The following NHEJ1 variants were observed in gnomAD, a reference collection of about 807,000 sequenced individuals.
NHEJ1 encodes the protein non-homologous end-joining factor 1.
In NHEJ1, 22 loss-of-function variants were observed where a neutral mutation model predicts 39.4. The observed-to-expected ratio is 0.56, with a 90% CI of 0.40 to 0.80. The LOEUF (loss-of-function observed/expected upper bound fraction) is 0.80. Ranked by LOEUF, NHEJ1 falls within the 30% of genes least tolerant of loss-of-function variation. The pLI is 0.00. For missense variants in NHEJ1, 329 were observed against 357.1 expected, an observed-to-expected ratio of 0.92 and a Z score of 0.63; for synonymous variants, 154 against 135.6, an observed-to-expected ratio of 1.14 and a Z score of -0.94.
chr2:219,081,316 C>T (rs972969224), intron 5 of NHEJ1, among the ~76,000 whole-genome samples: 9 of 152,026 alleles, frequency 5.9e-5, no homozygotes, highest in Non-Finnish European at 1.2e-4. Context: ...CTGGGGCAGG[C>T]GGCAGAGATC....
Position 219,159,552 on chromosome 2 carries a change from C to CATATATATATATGCATAT in NHEJ1, c.-1+1167_-1+1168insATATGCATATATATATAT, listed in dbSNP as rs373057307. 4.5e-5 allele frequency among the ~76,000 whole-genome samples: 3 copies of CATATATATATATGCATAT among 66,376 alleles called. 1 individual carries two copies. Among genetic ancestry groups the CATATATATATATGCATAT allele is most frequent in the East Asian group, 5.8e-4 (1 of 1,734 alleles). The allele number at this position is 66,376 out of a possible 152,430, so 43.5% of individuals were successfully genotyped here. A position where few individuals can be genotyped will look rare whatever the true frequency, so the allele number is the denominator to read the frequency against. ...ATATATATATGCATATATATATATG[C>CATATATATATATGCATAT]ATATATATATGCATATATATATGCA... On this transcript the variant is annotated intron_variant, in intron 1 of 7. Transcript: ENST00000356853.
In NHEJ1 at chr2:219,111,080, A is replaced by C. The variant is rs1949361236; in HGVS notation, c.589-32874T>G. ...TTTAAATAAAACATCACCCATCCTC[A>C]CAAAATCCTTGTAAGGAACAAAGGT... On this transcript the variant is annotated intron_variant, in intron 5 of 7. Transcript: ENST00000356853. The surrounding 1 kb of genome is among the most constrained non-coding windows in gnomAD (Gnocchi z 4.1). Among the ~76,000 whole-genome samples, 1 of 152,228 alleles carries C rather than the reference A, an allele frequency of 6.6e-6. No homozygotes were observed. The highest frequency in any genetic ancestry group is 1.5e-5 in the Non-Finnish European group (1 of 68,030).
Position 219,133,590 on chromosome 2 carries a change from G to A in NHEJ1, c.588+13090C>T, listed in dbSNP as rs137926073. The stretch of plus-strand genomic sequence containing the variant: ...ATAAGTGACACAGGAAAGAGAAAGC[G>A]TTGAGAGTTCAGAAGAGGAAAATAA... On this transcript the variant is annotated intron_variant, in intron 5 of 7. Coordinates refer to ENST00000356853, the MANE Select transcript of NHEJ1 (RefSeq NM_024782.3). Among the ~76,000 whole-genome samples the A allele has an allele frequency of 1.5e-4, 23 of 152,354 alleles. 1 individual carries two copies. In the South Asian group the frequency reaches 4.1e-3, roughly 27 times the overall value.
At chr2:219,137,071 GA>G (rs769632691) in intron 5 of NHEJ1, among the ~76,000 whole-genome samples, 1,666 of 64,948 alleles carry the variant, frequency 0.026, 18 homozygotes, top group African/African-American at 0.063. Flanking sequence ...CTCTTCTTGA[GA>G]AAAAAAAAAA....
chr2:219,141,443 G>A (rs1038600607), intron 5 of NHEJ1, among the ~76,000 whole-genome samples: 11 of 150,872 alleles, frequency 7.3e-5, no homozygotes, highest in Admixed American at 2.0e-4. Flanking sequence ...TTCAGACAAC[G>A]GGAGGTAGAA....
At chr2:219,142,119 C>T (rs1949697211) in intron 5 of NHEJ1, among the ~76,000 whole-genome samples, 1 of 152,132 alleles carries the variant, frequency 6.6e-6, no homozygotes, top group Admixed American at 6.5e-5. Flanking sequence ...TCAATGTTAA[C>T]TATAGCCCCC....
Position 219,076,258 on chromosome 2 carries a change from C to T in NHEJ1, c.*123G>A, listed in dbSNP as rs1949012317. The T allele has an allele frequency of 2.2e-5, 35 of 1,576,824 alleles. No homozygotes were observed. The highest frequency in any genetic ancestry group is 2.8e-5 in the Non-Finnish European group (33 of 1,161,084). Reference sequence around the variant, plus strand: ...TCAACATCAACTTCAGTTCTCTCGCCCTTACAGGAGGCCTCTGACTGTATC... The same window carrying T: ...TCAACATCAACTTCAGTTCTCTCGCTCTTACAGGAGGCCTCTGACTGTATC... On this transcript the variant is annotated 3_prime_UTR_variant, in exon 8 of 8. Transcript: ENST00000356853.
At chr2:219,143,279 G>A (rs2106359306) in intron 5 of NHEJ1, among the ~76,000 whole-genome samples, 1 of 152,218 alleles carries the variant, frequency 6.6e-6, no homozygotes, top group East Asian at 1.9e-4. Context: ...AGGACCCCGG[G>A]CAAGCAGAGT....
chr2:219,126,691 G>A (rs1231942265), intron 5 of NHEJ1, among the ~76,000 whole-genome samples: 1 of 151,910 alleles, frequency 6.6e-6, no homozygotes, highest in Non-Finnish European at 1.5e-5. Context: ...AGTAATTATA[G>A]TACAGTGTTG....
intron 2 of NHEJ1, among the ~76,000 whole-genome samples, chr2:219,157,947 C>A (rs1949870791): frequency 6.6e-6 from 1 of 151,024 alleles, no homozygotes. Context: ...CATTATCATG[C>A]ATAGGGTAGG....
At chr2:219,113,916 T>G (rs9784128) in intron 5 of NHEJ1, among the ~76,000 whole-genome samples, 1 of 152,036 alleles carries the variant, frequency 6.6e-6, no homozygotes, top group Non-Finnish European at 1.5e-5. Context: ...AGGAGAAGCC[T>G]GAAACAGAAC....
intron 5 of NHEJ1, among the ~76,000 whole-genome samples, chr2:219,136,121 G>A (rs964673954): frequency 3.9e-5 from 6 of 152,044 alleles, no homozygotes; most frequent in African/African-American, 1.4e-4. Flanking sequence ...TGTAATATCT[G>A]GTTTTGAGAT....
Position 219,158,280 on chromosome 2 carries a change from A to C in NHEJ1, c.83T>G (p.Phe28Cys). 1 of 1,614,208 alleles carries C rather than the reference A, an allele frequency of 6.2e-7. No individual in the cohort carries two copies. Among genetic ancestry groups the C allele is most frequent in the Non-Finnish European group, 8.5e-7 (1 of 1,180,034 alleles). The change falls in exon 2 of 8, where the codon TTT becomes TGT. Residue 28 changes from phenylalanine (F) to cysteine (C), a missense_variant. By Grantham distance (205) the Phe-to-Cys change is radical. Transcript: ENST00000356853. Reference protein sequence around the residue: ...LAENSLLAKVFITKQGYALLV... With the variant: ...LAENSLLAKVCITKQGYALLV... ...CAAGGCATAGCCCTGCTTGGTGATA[A>C]AAACCTTGGCCAAGAGGGAGTTCTC...
intron 5 of NHEJ1, among the ~76,000 whole-genome samples, chr2:219,122,667 T>C (rs964648656): frequency 2.6e-5 from 4 of 152,302 alleles, no homozygotes; most frequent in South Asian, 2.1e-4. Context: ...TCCTCCTCAA[T>C]AGACTCCAGG....
intron 5 of NHEJ1, among the ~76,000 whole-genome samples, chr2:219,137,151 T>C (rs560745383): frequency 4.7e-5 from 7 of 150,534 alleles, no homozygotes; most frequent in African/African-American, 1.7e-4. Flanking sequence ...GAAGGTGAAA[T>C]TCAGAAAAAA....
chr2:219,150,824 C>T (rs1411964665), intron 3 of NHEJ1, among the ~76,000 whole-genome samples: 1 of 151,972 alleles, frequency 6.6e-6, no homozygotes, highest in Non-Finnish European at 1.5e-5. Context: ...GGCATGGTGG[C>T]GGGTGCCTGT....
At chr2:219,084,871 G>A (rs6745556) in intron 5 of NHEJ1, among the ~76,000 whole-genome samples, 79,794 of 152,032 alleles carry the variant, frequency 0.52, 23,684 homozygotes, top group Non-Finnish European at 0.67. Flanking sequence ...ACAGTGAAGA[G>A]TAAAGCTGCT....
chr2:219,148,537 C>A (rs1341310556), intron 3 of NHEJ1, among the ~76,000 whole-genome samples: 1 of 152,090 alleles, frequency 6.6e-6, no homozygotes, highest in East Asian at 1.9e-4. Flanking sequence ...CCAGCCTGGG[C>A]AACAGAGCAA....
chr2:219,076,800 C>T (rs923402718), intron 7 of NHEJ1, among the ~76,000 whole-genome samples: 8 of 152,118 alleles, frequency 5.3e-5, no homozygotes, highest in African/African-American at 1.9e-4. Flanking sequence ...CTTGGCCTCC[C>T]ACAGGTTGTG....
Sources: allele counts gnomAD v4.1 joint callset (sites outside exome capture counted in the v4.1 genomes callset), GRCh38; gene constraint gnomAD v4.1.1; non-coding constraint Gnocchi (gnomAD v3.1); transcripts MANE v1.5; gene names NCBI Gene and HGNC (gene_info 2026-07-23, HGNC 2026-07-21).